HDAC9: variants seen among roughly 807,000 people sequenced by gnomAD.
HDAC9 encodes the protein histone deacetylase 9, also known as MEF-2 interacting transcription repressor (MITR) protein.
Under a neutral mutation model 139.4 loss-of-function variants are expected in HDAC9, and 41 were observed. The observed-to-expected ratio is 0.29, with a 90% CI of 0.23 to 0.38. The LOEUF (loss-of-function observed/expected upper bound fraction) is 0.38. Ranked by LOEUF, HDAC9 falls within the 10% of genes least tolerant of loss-of-function variation. The pLI is 1.00. For synonymous variants in HDAC9, 517 were observed against 476.2 expected, an observed-to-expected ratio of 1.09 and a Z score of -1.12; for missense variants, 1,147 against 1,297.0, an observed-to-expected ratio of 0.88 and a Z score of 1.78.
chr7:18,457,963 G>A (rs751163053), intron 1 of HDAC9, among the ~76,000 whole-genome samples: 20 of 152,128 alleles, frequency 1.3e-4, no homozygotes, highest in Non-Finnish European at 1.9e-4. Flanking sequence ...AGTCTGGTTC[G>A]TGTGTTCTTT....
intron 2 of HDAC9, among the ~76,000 whole-genome samples, chr7:18,212,313 T>G (rs1189621797): frequency 1.3e-5 from 2 of 152,222 alleles, no homozygotes; most frequent in African/African-American, 4.8e-5. Flanking sequence ...AAAGTTATGA[T>G]TACTTCTTTA....
chr7:18,647,790 G>C lies in HDAC9; in HGVS notation c.1041G>C (p.Ser347=), dbSNP rs765691093. ...TTTGTTATTTCTCAACACAGGCTTC[G>C]AATTCACTCAAAGAAAAGCAGAAGT... ...LPAVPSQLNA[S]NSLKEKQKCE... is the part of the protein sequence containing the mutation. Residue 347 remains serine, a synonymous_variant, in exon 10 of 26, where the codon TCG becomes TCC. Coordinates refer to ENST00000686413, the MANE Select transcript of HDAC9 (RefSeq NM_178425.4). 2 of 1,606,480 alleles carry C rather than the reference G, an allele frequency of 1.2e-6. No homozygotes were observed. The highest frequency in any genetic ancestry group is 1.7e-6 in the Non-Finnish European group (2 of 1,176,240).
chr7:18,872,077 G>A (rs1249145478), intron 21 of HDAC9, among the ~76,000 whole-genome samples: 1 of 152,116 alleles, frequency 6.6e-6, no homozygotes, highest in Non-Finnish European at 1.5e-5. Context: ...ATGCATTGCA[G>A]CATGATGCCT....
At chr7:18,736,786 T>C (rs1172701602) in intron 13 of HDAC9, among the ~76,000 whole-genome samples, 3 of 152,236 alleles carry the variant, frequency 2.0e-5, no homozygotes, top group Non-Finnish European at 2.9e-5. Context: ...TTTCTATTTA[T>C]TGGAATAGTT....
In HDAC9 at chr7:18,996,101, T is replaced by A. The variant is rs935421907; in HGVS notation, c.*39T>A. 6.7e-7 allele frequency: 1 copy of A among 1,486,616 alleles called. No individual in the cohort carries two copies. The highest frequency in any genetic ancestry group is 1.8e-5 in the Admixed American group (1 of 55,666). The allele number at this position is 1,486,616 out of a possible 1,614,324, so 92.1% of individuals were successfully genotyped here. The stretch of plus-strand genomic sequence containing the variant: ...CCTCTGATATTTCCTGTGTGTGACA[T>A]CATTGTGTATCCCCCCACCCCAGTA... On this transcript the variant is annotated 3_prime_UTR_variant, in exon 26 of 26. Transcript: ENST00000686413.
rs148184347 is a variant in HDAC9, at chr7:18,693,349, A to T, written c.1731+26873A>T. On this transcript the variant is annotated intron_variant, in intron 12 of 25. Coordinates refer to ENST00000686413, the MANE Select transcript of HDAC9 (RefSeq NM_178425.4). ...GCTAAAGGAATTCTTTAATTATTAG[A>T]TACAGAAAATGTCCTTGAATGGGAG... Among the ~76,000 whole-genome samples the T allele has an allele frequency of 4.7e-4, 72 of 152,318 alleles. 1 individual carries two copies. In the East Asian group the frequency reaches 0.013, roughly 28 times the overall value.
At chr7:18,126,701 G>A (rs938282643) in intron 1 of HDAC9, among the ~76,000 whole-genome samples, 3 of 152,118 alleles carry the variant, frequency 2.0e-5, no homozygotes, top group Admixed American at 2.0e-4. Flanking sequence ...ATTGGCCACA[G>A]AAAGTCCAAT....
chr7:18,183,023 T>A (rs1789582427), intron 2 of HDAC9, among the ~76,000 whole-genome samples: 1 of 151,638 alleles, frequency 6.6e-6, no homozygotes, highest in African/African-American at 2.4e-5. Context: ...TTTTTTTTTT[T>A]TTTTGAGACG....
At chr7:18,663,304 A>C (rs1468139348) in intron 11 of HDAC9, among the ~76,000 whole-genome samples, 2 of 152,108 alleles carry the variant, frequency 1.3e-5, no homozygotes, top group Admixed American at 1.3e-4. Flanking sequence ...CTGAGAGGCC[A>C]TGTTGTGGCC....
intron 1 of HDAC9, among the ~76,000 whole-genome samples, chr7:18,423,453 C>T (rs11769654): frequency 0.023 from 3,457 of 152,296 alleles, 54 homozygotes; most frequent in Non-Finnish European, 0.038. Context: ...ATGCTTAAAG[C>T]AGTGGCTTAA....
chr7:18,463,938 G>A (rs1794060946), intron 1 of HDAC9, among the ~76,000 whole-genome samples: 1 of 151,784 alleles, frequency 6.6e-6, no homozygotes, highest in Admixed American at 6.6e-5. Flanking sequence ...TTTAATACTT[G>A]GAAATTTGTT....
chr7:18,296,215 C>CCAGTG (rs1210844562), intron 1 of HDAC9, among the ~76,000 whole-genome samples: 3 of 152,024 alleles, frequency 2.0e-5, no homozygotes, highest in African/African-American at 7.2e-5. Flanking sequence ...AGTGCTCCAC[C>CCAGTG]CAGTGCATGT....
chr7:18,227,566 A>G (rs1021621840), intron 2 of HDAC9, among the ~76,000 whole-genome samples: 4 of 152,180 alleles, frequency 2.6e-5, no homozygotes, highest in East Asian at 1.9e-4. Context: ...TTTGTTATCA[A>G]CATTCTTAGG....
At chr7:18,264,203 A>G (rs892004143) in intron 2 of HDAC9, among the ~76,000 whole-genome samples, 1 of 152,180 alleles carries the variant, frequency 6.6e-6, no homozygotes, top group Non-Finnish European at 1.5e-5. Context: ...TTTCCACCCA[A>G]CAACAGTGGA....
At chr7:18,588,980 G>A (rs755340962) in intron 3 of HDAC9, among the ~76,000 whole-genome samples, 2 of 152,030 alleles carry the variant, frequency 1.3e-5, no homozygotes, top group African/African-American at 2.4e-5. Context: ...AATCAGTAGG[G>A]TTCAAACTTA....
intron 17 of HDAC9, among the ~76,000 whole-genome samples, chr7:18,812,184 A>G (rs962753771): frequency 2.6e-5 from 4 of 151,950 alleles, no homozygotes; most frequent in Non-Finnish European, 2.9e-5. Context: ...TACAGAACCC[A>G]TGGATACAAG....
chr7:18,620,725 C>T (rs1270888144), intron 6 of HDAC9, among the ~76,000 whole-genome samples: 1 of 152,068 alleles, frequency 6.6e-6, no homozygotes, highest in Admixed American at 6.6e-5. Context: ...AAAATGCCCA[C>T]CTTTCCCCTT....
intron 1 of HDAC9, among the ~76,000 whole-genome samples, chr7:18,383,536 C>G (rs1016999756): frequency 1.3e-5 from 2 of 152,016 alleles, no homozygotes; most frequent in African/African-American, 4.8e-5. Context: ...AAAAATAGTC[C>G]TTTACTTCAC....
chr7:18,636,310 G>C (rs1165737123), intron 8 of HDAC9, among the ~76,000 whole-genome samples: 2 of 152,090 alleles, frequency 1.3e-5, no homozygotes, highest in Non-Finnish European at 2.9e-5. Context: ...GCCCTGGGCT[G>C]TCTGATGTGG....
Sources: allele counts gnomAD v4.1 joint callset (sites outside exome capture counted in the v4.1 genomes callset), GRCh38; gene constraint gnomAD v4.1.1; transcripts MANE v1.5; gene names NCBI Gene and HGNC (gene_info 2026-07-23, HGNC 2026-07-21).